THSD7A: variants seen among roughly 807,000 people sequenced by gnomAD.
THSD7A encodes the protein thrombospondin type-1 domain-containing protein 7A.
THSD7A carries 96 observed loss-of-function variants against 231.3 expected under a neutral mutation model. The observed-to-expected ratio is 0.41, with a 90% CI of 0.35 to 0.49. THSD7A has a LOEUF of 0.49. THSD7A is among the 20% of genes least tolerant of loss of function. The pLI is 0.05. For missense variants in THSD7A, 2,290 were observed against 2,070.2 expected, an observed-to-expected ratio of 1.11 and a Z score of -2.06; for synonymous variants, 940 against 743.3, an observed-to-expected ratio of 1.26 and a Z score of -4.30.
rs935809713 is a variant in THSD7A, at chr7:11,474,041, C to T, written c.2252+293G>A. Among the ~76,000 whole-genome samples the T allele has an allele frequency of 1.6e-4, 25 of 152,070 alleles. No homozygotes were observed. The highest frequency in any genetic ancestry group is 4.1e-4 in the African/African-American group (17 of 41,410). On this transcript the variant is annotated intron_variant, in intron 8 of 27. Transcript: ENST00000423059. The surrounding 1 kb of genome is among the most constrained non-coding windows in gnomAD (Gnocchi z 4.1). ...TGTCATTATTGATCAGCCAGGCTTA[C>T]GGCAAGCACTTCTTTCATTGCCTCA...
intron 1 of THSD7A, among the ~76,000 whole-genome samples, chr7:11,733,247 C>G (rs553697953): frequency 6.6e-6 from 1 of 151,882 alleles, no homozygotes; most frequent in South Asian, 2.1e-4. Flanking sequence ...TAAGTGTAAG[C>G]TATTCCACTT....
intron 1 of THSD7A, among the ~76,000 whole-genome samples, chr7:11,762,154 T>A (rs559375038): frequency 7.6e-4 from 116 of 152,178 alleles, no homozygotes; most frequent in Non-Finnish European, 1.3e-3. Context: ...CTACTGTTCA[T>A]AGACACTTAG....
At chr7:11,517,294 G>A (rs1019912985) in intron 6 of THSD7A, among the ~76,000 whole-genome samples, 2 of 152,010 alleles carry the variant, frequency 1.3e-5, no homozygotes, top group African/African-American at 2.4e-5. Flanking sequence ...TGGCCAGGCT[G>A]GTCTTGAACT....
intron 1 of THSD7A, among the ~76,000 whole-genome samples, chr7:11,638,919 A>G (rs879822459): frequency 1.3e-5 from 2 of 152,176 alleles, no homozygotes; most frequent in Non-Finnish European, 2.9e-5. Flanking sequence ...CACTTTGGGA[A>G]CCACAGAACC....
At chr7:11,672,972 G>C (rs1025335741) in intron 1 of THSD7A, among the ~76,000 whole-genome samples, 1 of 152,100 alleles carries the variant, frequency 6.6e-6, no homozygotes, top group Non-Finnish European at 1.5e-5. Context: ...TTAACATAAG[G>C]TTTCTGGGGG....
At chr7:11,543,642 AC>A (rs1364740720) in intron 4 of THSD7A, among the ~76,000 whole-genome samples, 1 of 152,132 alleles carries the variant, frequency 6.6e-6, no homozygotes, top group East Asian at 1.9e-4. Context: ...TACTCTCTGT[AC>A]CCCCCAGCTA....
At chr7:11,713,157 A>G in intron 1 of THSD7A, among the ~76,000 whole-genome samples, 1 of 151,230 alleles carries the variant, frequency 6.6e-6, no homozygotes, top group East Asian at 2.0e-4. Flanking sequence ...TGCATAGCAC[A>G]TTGCTGCCAA....
intron 1 of THSD7A, among the ~76,000 whole-genome samples, chr7:11,812,357 G>A (rs1292453576): frequency 6.6e-6 from 1 of 152,022 alleles, no homozygotes; most frequent in Non-Finnish European, 1.5e-5. Context: ...TGAATATTTA[G>A]TTATAGCTTG....
At chr7:11,494,489 C>T (rs1787020502) in intron 6 of THSD7A, among the ~76,000 whole-genome samples, 1 of 151,894 alleles carries the variant, frequency 6.6e-6, no homozygotes, top group African/African-American at 2.4e-5. Flanking sequence ...CATTCTTTTA[C>T]AATGTTGCTT....
chr7:11,755,793 A>G (rs1782654367), intron 1 of THSD7A, among the ~76,000 whole-genome samples: 1 of 152,096 alleles, frequency 6.6e-6, no homozygotes, highest in Admixed American at 6.6e-5. Flanking sequence ...TGATAAGTTT[A>G]AATTTCAAAG....
At chr7:11,506,683 A>G (rs62435210) in intron 6 of THSD7A, among the ~76,000 whole-genome samples, 43,324 of 151,920 alleles carry the variant, frequency 0.29, 6,368 homozygotes, top group South Asian at 0.42. Flanking sequence ...TGGCCTTTCA[A>G]TGTTCCTGGA....
intron 6 of THSD7A, among the ~76,000 whole-genome samples, chr7:11,489,285 AG>A (rs939260731): frequency 6.6e-4 from 100 of 152,302 alleles, no homozygotes; most frequent in African/African-American, 2.3e-3. Flanking sequence ...TTGGCTTACT[AG>A]AACCTAACCA....
In THSD7A at chr7:11,377,212, C is replaced by A. The variant is rs1212740057; in HGVS notation, c.4802-555G>T. 6.6e-6 allele frequency: 1 copy of A among 151,826 alleles called. No homozygotes were observed. Among genetic ancestry groups the A allele is most frequent in the Non-Finnish European group, 1.5e-5 (1 of 67,908 alleles). 9.4% of individuals were successfully genotyped at this position (151,826 alleles called of 1,614,324 possible). On this transcript the variant is annotated intron_variant, in intron 26 of 27. Coordinates refer to ENST00000423059, the MANE Select transcript of THSD7A (RefSeq NM_015204.3). This position sits in a 1 kb window ranked among gnomAD's most constrained non-coding sequence, Gnocchi z 4.5. Reference sequence around the variant, plus strand: ...GTGTTTTAAAATTGGCTGACAATGTCATTTTCAAAAACAACTGGTTTGGTT... The same window carrying A: ...GTGTTTTAAAATTGGCTGACAATGTAATTTTCAAAAACAACTGGTTTGGTT...
At chr7:11,659,619 T>A (rs954940265) in intron 1 of THSD7A, among the ~76,000 whole-genome samples, 1 of 151,532 alleles carries the variant, frequency 6.6e-6, no homozygotes, top group African/African-American at 2.4e-5. Flanking sequence ...ATTAGATTAC[T>A]AGTGCCTTGA....
At chr7:11,778,631 T>G (rs565449029) in intron 1 of THSD7A, among the ~76,000 whole-genome samples, 1 of 152,236 alleles carries the variant, frequency 6.6e-6, no homozygotes, top group Admixed American at 6.5e-5. Flanking sequence ...TAAAACACTT[T>G]TAGAAGTATT....
intron 1 of THSD7A, among the ~76,000 whole-genome samples, chr7:11,738,654 C>T (rs1781999620): frequency 6.6e-6 from 1 of 151,970 alleles, no homozygotes; most frequent in Non-Finnish European, 1.5e-5. Flanking sequence ...TCCCTATGAT[C>T]TGTGATCACA....
At chr7:11,418,077 C>G (rs539807766) in intron 16 of THSD7A, among the ~76,000 whole-genome samples, 16 of 152,100 alleles carry the variant, frequency 1.1e-4, no homozygotes, top group Admixed American at 1.0e-3. Context: ...TGATGAGAGA[C>G]CAGGCACACT....
intron 24 of THSD7A, 101 bp from the exon 25 acceptor site, chr7:11,379,813 A>C (rs1214254582): frequency 7.0e-6 from 9 of 1,281,678 alleles, no homozygotes; most frequent in Non-Finnish European, 9.9e-6. Flanking sequence ...CCACCTTGGG[A>C]ATCCCAGGAA....
At chr7:11,465,501 A>G (rs976354441) in intron 9 of THSD7A, among the ~76,000 whole-genome samples, 1 of 152,110 alleles carries the variant, frequency 6.6e-6, no homozygotes, top group African/African-American at 2.4e-5. Flanking sequence ...ATTTTTTCAG[A>G]TATCTTAAGA....
Sources: allele counts gnomAD v4.1 joint callset (sites outside exome capture counted in the v4.1 genomes callset), GRCh38; gene constraint gnomAD v4.1.1; non-coding constraint Gnocchi (gnomAD v3.1); transcripts MANE v1.5; gene names NCBI Gene and HGNC (gene_info 2026-07-23, HGNC 2026-07-21).